MKNK2: variants seen among roughly 807,000 people sequenced by gnomAD.
The protein encoded by MKNK2 is MAPK interacting serine/threonine kinase 2, also known as MAP kinase-interacting serine/threonine-protein kinase 2.
A neutral mutation model predicts 55.0 loss-of-function variants in MKNK2; 54 were observed. The observed-to-expected ratio is 0.98, with a 90% CI of 0.79 to 1.23. MKNK2 has a LOEUF of 1.23. MKNK2 is among the 50% of genes most tolerant of loss of function. The pLI, the probability that MKNK2 is intolerant of heterozygous loss-of-function variation, is 0.00. For synonymous variants in MKNK2, 323 were observed against 256.0 expected, an observed-to-expected ratio of 1.26 and a Z score of -2.50; for missense variants, 685 against 632.1, an observed-to-expected ratio of 1.08 and a Z score of -0.90.
At chr19:2,041,456 G>A (rs186784804) in intron 11 of MKNK2, among the ~76,000 whole-genome samples, 3 of 152,228 alleles carry the variant, frequency 2.0e-5, no homozygotes, top group African/African-American at 7.2e-5. Flanking sequence ...CTTAAGCCGC[G>A]GGCAGGGAGC....
Position 2,039,621 on chromosome 19 carries a change from G to A in MKNK2, c.1390C>T (p.His464Tyr). 1 of 1,611,314 alleles carries A rather than the reference G, an allele frequency of 6.2e-7. No individual in the cohort carries two copies. ...SSAPVVLVGDHA is the reference protein window; with the variant it reads ...SSAPVVLVGDYA Reference sequence around the variant, plus strand: ...GAGGGGAGATGGGAGGGTCAGGCGTGGTCTCCCACCAGGACCACTGGGGCC... The same window carrying A: ...GAGGGGAGATGGGAGGGTCAGGCGTAGTCTCCCACCAGGACCACTGGGGCC... Residue 464 changes from histidine to tyrosine, a missense_variant, in exon 14 of 14, where the codon CAC becomes TAC. Physicochemically the swap from His to Tyr is moderately conservative, Grantham distance 83. Transcript: ENST00000250896.
In MKNK2 at chr19:2,038,963, C is replaced by T; in HGVS notation, c.*650G>A. 1.0e-6 allele frequency: 1 copy of T among 985,888 alleles called. No homozygotes were observed. The allele number at this position is 985,888 out of a possible 1,614,324, so 61.1% of individuals were successfully genotyped here. On this transcript the variant is annotated 3_prime_UTR_variant, in exon 14 of 14. Coordinates refer to ENST00000250896, the MANE Select transcript of MKNK2 (RefSeq NM_199054.3). ...AGACAGACGGGCCTTGCAGGAAGCC[C>T]CGATTGTCAACTATCATGGGGACAA...
chr19:2,048,917 G>A (rs2017055178), intron 2 of MKNK2, among the ~76,000 whole-genome samples: 1 of 152,186 alleles, frequency 6.6e-6, no homozygotes, highest in South Asian at 2.1e-4. Flanking sequence ...AGGCCAGACT[G>A]GAGTTCACCT....
intron 7 of MKNK2, 68 bp from the exon 8 acceptor site, chr19:2,042,938 G>A (rs2016924140): frequency 1.4e-6 from 2 of 1,474,292 alleles, no homozygotes; most frequent in African/African-American, 1.4e-5. Context: ...CTCAAGGCCA[G>A]CACCCACCTC....
At chr19:2,047,131 A>C (rs2017017995) in intron 2 of MKNK2, among the ~76,000 whole-genome samples, 1 of 152,166 alleles carries the variant, frequency 6.6e-6, no homozygotes, top group African/African-American at 2.4e-5. Flanking sequence ...GCAAGGCAAG[A>C]TCAGGGGACG....
Position 2,049,452 on chromosome 19 carries a change from C to T in MKNK2, c.51+1349G>A, listed in dbSNP as rs2017066483. 2.6e-5 allele frequency among the ~76,000 whole-genome samples: 4 copies of T among 152,334 alleles called. No homozygotes were observed. In the South Asian group the frequency reaches 8.3e-4, roughly 32 times the overall value. On this transcript the variant is annotated intron_variant, in intron 2 of 13. Coordinates refer to ENST00000250896, the MANE Select transcript of MKNK2 (RefSeq NM_199054.3). ...CAGCCAGGACTGCCTGCCAGGCCCTCCTCCACCAAGACGCCCACCTTCCCA... is the reference window on the plus strand; with the variant it reads ...CAGCCAGGACTGCCTGCCAGGCCCTTCTCCACCAAGACGCCCACCTTCCCA...
Position 2,041,139 on chromosome 19 carries a change from G to C in MKNK2, c.1011C>G (p.Ile337Met), listed in dbSNP as rs951985162. The C allele has an allele frequency of 3.1e-6, 5 of 1,613,944 alleles. No homozygotes were observed. The highest frequency in any genetic ancestry group is 1.7e-5 in the Admixed American group (1 of 60,004). Reference sequence around the variant, plus strand: ...AGATGAGGTCTTTGGCAGCGCAGGAGATGTGGGCCCAGTCCTTGTCGGGGA... The same window carrying C: ...AGATGAGGTCTTTGGCAGCGCAGGACATGTGGGCCCAGTCCTTGTCGGGGA... ...YEFPDKDWAH[I>M]SCAAKDLISK... Residue 337 changes from isoleucine (I) to methionine (M), a missense_variant, in exon 12 of 14, where the codon ATC becomes ATG. Transcript: ENST00000250896.
chr19:2,042,145 G>A (rs1026704253), intron 10 of MKNK2, 111 bp from the exon 11 acceptor site: 54 of 1,093,008 alleles, frequency 4.9e-5, no homozygotes, highest in Non-Finnish European at 6.3e-5. Flanking sequence ...CGCCCCGCCG[G>A]GCCCGACCAA....
Position 2,037,820 on chromosome 19 carries a change from A to C in MKNK2, c.*1793T>G. Reference sequence around the variant, plus strand: ...AGGGGTGGGGAGGGAGGAGGAAGTGACTGTCCCACCTTCAGAAAAAAAAAA... The same window carrying C: ...AGGGGTGGGGAGGGAGGAGGAAGTGCCTGTCCCACCTTCAGAAAAAAAAAA... On this transcript the variant is annotated 3_prime_UTR_variant, in exon 14 of 14. Transcript: ENST00000250896. 3 of 1,593,810 alleles carry C rather than the reference A, an allele frequency of 1.9e-6. No homozygotes were observed. Among genetic ancestry groups the C allele is most frequent in the Non-Finnish European group, 2.6e-6 (3 of 1,169,156 alleles).
intron 5 of MKNK2, among the ~76,000 whole-genome samples, chr19:2,044,095 G>A (rs1316686157): frequency 1.3e-5 from 2 of 151,256 alleles, no homozygotes; most frequent in East Asian, 1.9e-4. Flanking sequence ...CCCACAGGAC[G>A]TGAGGGTTCC....
chr19:2,039,913 G>A, intron 13 of MKNK2, 57 bp from the exon 14 acceptor site: 2 of 1,551,484 alleles, frequency 1.3e-6, no homozygotes, highest in South Asian at 1.2e-5. Context: ...GGGGACCCCT[G>A]GGGTCTGTGA....
rs2016808771 is a variant in MKNK2 at position 2,038,736 on chromosome 19, G to A, written c.*877C>T. On this transcript the variant is annotated 3_prime_UTR_variant, in exon 14 of 14. Transcript: ENST00000250896. ...AAGGGGCACTCGGGTGCCCCAAGGG[G>A]GTGTCTTCAGGACCCCCCACATTGG... 1 of 985,452 alleles carries A rather than the reference G, an allele frequency of 1.0e-6. No homozygotes were observed. Among genetic ancestry groups the A allele is most frequent in the African/African-American group, 1.7e-5 (1 of 57,214 alleles). 61.0% of individuals were successfully genotyped at this position (985,452 alleles called of 1,614,324 possible). A position where few individuals can be genotyped will look rare whatever the true frequency, so the allele number is the denominator to read the frequency against.
In MKNK2 at chr19:2,039,865, C is replaced by G; in HGVS notation, c.1155-9G>C. 1 of 1,586,936 alleles carries G rather than the reference C, an allele frequency of 6.3e-7. No homozygotes were observed. ...CTTTGGCACAGCTGTTCCTGGGAAA[C>G]GGGGTGGGGGTAGGTGGTCACCAAG... On this transcript the variant is annotated splice_polypyrimidine_tract_variant and intron_variant, in intron 13 of 13. Coordinates refer to ENST00000250896, the MANE Select transcript of MKNK2 (RefSeq NM_199054.3).
Position 2,038,364 on chromosome 19 carries a change from G to A in MKNK2, c.*1249C>T. 1.0e-6 allele frequency: 1 copy of A among 986,570 alleles called. No individual in the cohort carries two copies. Among genetic ancestry groups the A allele is most frequent in the Non-Finnish European group, 1.2e-6 (1 of 830,460 alleles). 61.1% of individuals were successfully genotyped at this position (986,570 alleles called of 1,614,324 possible). A position where few individuals can be genotyped will look rare whatever the true frequency, so the allele number is the denominator to read the frequency against. On this transcript the variant is annotated 3_prime_UTR_variant, in exon 14 of 14. Coordinates refer to ENST00000250896, the MANE Select transcript of MKNK2 (RefSeq NM_199054.3). Reference sequence around the variant, plus strand: ...TCGGGGGCTGCGCCGGGAAGGGCGGGCGGTGACCCTAGCCGCGCGCACTTC... The same window carrying A: ...TCGGGGGCTGCGCCGGGAAGGGCGGACGGTGACCCTAGCCGCGCGCACTTC...
At chr19:2,044,808 TG>T (rs767394951) in intron 5 of MKNK2, among the ~76,000 whole-genome samples, 29 of 152,216 alleles carry the variant, frequency 1.9e-4, no homozygotes, top group Admixed American at 7.8e-4. Context: ...AACCTCGTCC[TG>T]TCCCTTGGGT....
In MKNK2 at chr19:2,042,013, C is replaced by T; in HGVS notation, c.772G>A (p.Ala258Thr). 6.5e-7 allele frequency: 1 copy of T among 1,530,376 alleles called. No homozygotes were observed. The highest frequency in any genetic ancestry group is 2.5e-5 in the East Asian group (1 of 39,232). 94.8% of individuals were successfully genotyped at this position (1,530,376 alleles called of 1,614,324 possible). The change falls in exon 11 of 14, where the codon GCC (alanine) becomes ACC (threonine). Residue 258 changes from alanine to threonine, a missense_variant. By Grantham distance (58) the Ala-to-Thr change is moderately conservative. Coordinates refer to ENST00000250896, the MANE Select transcript of MKNK2 (RefSeq NM_199054.3). ...CTGAAGGCCTCCACTACCTCCGGGG[C>T]CATGTACTCCGCCGAGCCGCACTGC... ...LTPCGSAEYM[A>T]PEVVEAFSEE...
Position 2,038,312 on chromosome 19 carries a change from C to A in MKNK2, c.*1301G>T, listed in dbSNP as rs1457974450. 1 of 986,660 alleles carries A rather than the reference C, an allele frequency of 1.0e-6. No homozygotes were observed. Among genetic ancestry groups the A allele is most frequent in the Non-Finnish European group, 1.2e-6 (1 of 830,506 alleles). The allele number at this position is 986,660 out of a possible 1,614,324, so 61.1% of individuals were successfully genotyped here. On this transcript the variant is annotated 3_prime_UTR_variant, in exon 14 of 14. Coordinates refer to ENST00000250896, the MANE Select transcript of MKNK2 (RefSeq NM_199054.3). ...AGAATCCCGACCGCGGATTTAGAAGCCAGAGGGGCTGCCCCAGCTGTGGAG... is the reference window on the plus strand; with the variant it reads ...AGAATCCCGACCGCGGATTTAGAAGACAGAGGGGCTGCCCCAGCTGTGGAG...
chr19:2,050,677 G>A (rs1006984705), intron 2 of MKNK2, 124 bp downstream of exon 2: 37 of 882,500 alleles, frequency 4.2e-5, no homozygotes, highest in Middle Eastern at 2.6e-4. Context: ...GGGCAGCCCC[G>A]GGTGTAGGGC....
chr19:2,038,051 G>T lies in MKNK2; in HGVS notation c.*1562C>A. On this transcript the variant is annotated 3_prime_UTR_variant, in exon 14 of 14. Transcript: ENST00000250896. ...GCCCCACCCCCCCCAGGGGTCTTTG[G>T]AAGGGGCAGTCCACAGATATGGGCA... 1 of 1,269,458 alleles carries T rather than the reference G, an allele frequency of 7.9e-7. No homozygotes were observed. Among genetic ancestry groups the T allele is most frequent in the Non-Finnish European group, 1.0e-6 (1 of 995,760 alleles). 78.6% of individuals were successfully genotyped at this position (1,269,458 alleles called of 1,614,324 possible).
Sources: gnomAD v4.1 joint callset for allele counts (sites outside exome capture counted in the v4.1 genomes callset) on GRCh38, gnomAD v4.1.1 for gene constraint, MANE v1.5 for transcripts, NCBI Gene and HGNC (gene_info 2026-07-23, HGNC 2026-07-21) for gene names.